Variants in ZNF354C observed in about 807,000 individuals in gnomAD.
The protein encoded by ZNF354C is zinc finger protein 354C, also known as KRAB-zinc finger protein synten.
Under a neutral mutation model 12.4 loss-of-function variants are expected in ZNF354C, and 7 were observed. That is an observed-to-expected ratio of 0.56 (90% CI 0.32 to 1.06). The LOEUF is 1.06. ZNF354C is among the 50% of genes least tolerant of loss of function. ZNF354C has a pLI of 0.04. For synonymous variants in ZNF354C, 202 were observed against 224.5 expected (o/e 0.90, Z 0.90); for missense variants, 609 against 658.0 (o/e 0.93, Z 0.81).
Position 179,076,432 on chromosome 5 carries a change from T to C in ZNF354C, c.28-13T>C. 6.2e-7 allele frequency: 1 copy of C among 1,614,156 alleles called. No individual in the cohort carries two copies. On this transcript the variant is annotated splice_polypyrimidine_tract_variant and intron_variant, in intron 2 of 4. Coordinates refer to ENST00000315475, the MANE Select transcript of ZNF354C (RefSeq NM_014594.3). ...ATGGTCCTGGGTGAGCAGGTATGGGTTTGCCATTACAGGAGCCTGTGACAT... is the reference window on the plus strand; with the variant it reads ...ATGGTCCTGGGTGAGCAGGTATGGGCTTGCCATTACAGGAGCCTGTGACAT...
chr5:179,079,571 G>C lies in ZNF354C; in HGVS notation c.1139G>C (p.Gly380Ala). 6.2e-7 allele frequency: 1 copy of C among 1,614,142 alleles called. No homozygotes were observed. Among genetic ancestry groups the C allele is most frequent in the African/African-American group, 1.3e-5 (1 of 75,060 alleles). Residue 380 changes from glycine to alanine, a missense_variant, in exon 5 of 5, where the codon GGA becomes GCA. Coordinates refer to ENST00000315475, the MANE Select transcript of ZNF354C (RefSeq NM_014594.3). This position sits in a 1 kb window ranked among gnomAD's most constrained non-coding sequence, Gnocchi z 4.2. Reference protein sequence around the residue: ...SLAEHQRFHTGEQLYTCLECG... With the variant: ...SLAEHQRFHTAEQLYTCLECG... Reference sequence around the variant, plus strand: ...GCTGAACATCAGAGGTTTCATACTGGAGAACAACTGTATACATGCTTGGAA... The same window carrying C: ...GCTGAACATCAGAGGTTTCATACTGCAGAACAACTGTATACATGCTTGGAA...
intron 2 of ZNF354C, among the ~76,000 whole-genome samples, chr5:179,070,804 C>T (rs1197634579): frequency 1.4e-5 from 2 of 147,900 alleles, no homozygotes; most frequent in African/African-American, 5.0e-5. Context: ...GCAGCACTCT[C>T]TCATCCATTT....
chr5:179,076,117 G>A lies in ZNF354C; in HGVS notation c.28-328G>A, dbSNP rs192764233. ...CTTGTGGCCCTCTCATCCATCTTCC[G>A]AGCCTAGCACTCCAGTCTCTGCTTC... On this transcript the variant is annotated intron_variant, in intron 2 of 4. Transcript: ENST00000315475. 3.0e-4 allele frequency among the ~76,000 whole-genome samples: 46 copies of A among 152,130 alleles called. No individual in the cohort carries two copies. In the East Asian group the frequency reaches 6.2e-3, roughly 20 times the overall value.
rs770622247 is a variant in ZNF354C at position 179,079,372 on chromosome 5, A to G, written c.940A>G (p.Thr314Ala). Residue 314 changes from threonine to alanine, a missense_variant, in exon 5 of 5, where the codon ACC becomes GCC. Thr to Ala is a moderately conservative substitution (Grantham distance 58). Transcript: ENST00000315475. The surrounding 1 kb of genome is among the most constrained non-coding windows in gnomAD (Gnocchi z 4.2). ...ECGKAFSQCS[T>A]LTVHQRIHTG... Reference sequence around the variant, plus strand: ...TGGTAAAGCCTTTAGCCAGTGTTCAACCCTCACTGTACATCAGAGAATTCA... The same window carrying G: ...TGGTAAAGCCTTTAGCCAGTGTTCAGCCCTCACTGTACATCAGAGAATTCA... The G allele has an allele frequency of 6.2e-7, 1 of 1,613,862 alleles. No individual in the cohort carries two copies. Among genetic ancestry groups the G allele is most frequent in the Non-Finnish European group, 8.5e-7 (1 of 1,179,974 alleles).
At chr5:179,067,271 A>G (rs1761969819) in intron 2 of ZNF354C, among the ~76,000 whole-genome samples, 2 of 152,324 alleles carry the variant, frequency 1.3e-5, no homozygotes, top group Middle Eastern at 3.4e-3. Flanking sequence ...AGATAGGGCT[A>G]TTGGATGGAG....
chr5:179,079,868 A>T lies in ZNF354C; in HGVS notation c.1436A>T (p.Gln479Leu). ...AATCAGTGTGGAAAGGCCTTCAGCC[A>T]GTATTCATTTTTAACCGAACATGAG... ...QCNQCGKAFS[Q>L]YSFLTEHERI... Residue 479 changes from glutamine (Q) to leucine (L), a missense_variant, in exon 5 of 5, where the codon CAG (glutamine) becomes CTG (leucine). Gln to Leu is a moderately radical substitution (Grantham distance 113). Coordinates refer to ENST00000315475, the MANE Select transcript of ZNF354C (RefSeq NM_014594.3). The surrounding 1 kb of genome is among the most constrained non-coding windows in gnomAD (Gnocchi z 4.2). The T allele has an allele frequency of 6.2e-7, 1 of 1,613,976 alleles. No individual in the cohort carries two copies. Among genetic ancestry groups the T allele is most frequent in the Non-Finnish European group, 8.5e-7 (1 of 1,179,960 alleles).
Position 179,082,767 on chromosome 5 carries a change from G to T in ZNF354C, c.*2670G>T. ...TGGCTGACGAAGAGCCATTAGGCGAGGATCACTGGCATCATCCAGGGTGAT... is the reference window on the plus strand; with the variant it reads ...TGGCTGACGAAGAGCCATTAGGCGATGATCACTGGCATCATCCAGGGTGAT... On this transcript the variant is annotated 3_prime_UTR_variant, in exon 5 of 5. Coordinates refer to ENST00000315475, the MANE Select transcript of ZNF354C (RefSeq NM_014594.3). 2.2e-6 allele frequency: 3 copies of T among 1,366,320 alleles called. No homozygotes were observed. The highest frequency in any genetic ancestry group is 3.1e-6 in the Non-Finnish European group (3 of 955,708). The allele number at this position is 1,366,320 out of a possible 1,614,324, so 84.6% of individuals were successfully genotyped here. A position where few individuals can be genotyped will look rare whatever the true frequency, so the allele number is the denominator to read the frequency against.
intron 2 of ZNF354C, among the ~76,000 whole-genome samples, chr5:179,063,540 C>T (rs1426278656): frequency 3.3e-5 from 5 of 152,150 alleles, no homozygotes; most frequent in African/African-American, 7.2e-5. Context: ...AGCCTGGGCA[C>T]GAGAGTGAGA....
intron 4 of ZNF354C, 56 bp from the exon 5 acceptor site, chr5:179,078,627 T>C: frequency 7.1e-7 from 1 of 1,409,166 alleles, no homozygotes; most frequent in Non-Finnish European, 9.7e-7. Context: ...GTCTCACCGA[T>C]ACATCAGTTT....
chr5:179,076,349 C>A (rs529842780), intron 2 of ZNF354C, 96 bp from the exon 3 acceptor site: 1 of 1,554,914 alleles, frequency 6.4e-7, no homozygotes, highest in South Asian at 1.2e-5. Context: ...TTATTAGAAT[C>A]CTGAGATTTT....
chr5:179,077,234 T>C, intron 4 of ZNF354C, 68 bp downstream of exon 4: 1 of 1,310,392 alleles, frequency 7.6e-7, no homozygotes. Context: ...AAGAGGCAGT[T>C]CTTGGGAAAC....
intron 2 of ZNF354C, among the ~76,000 whole-genome samples, chr5:179,063,686 T>G (rs1479470473): frequency 6.6e-6 from 1 of 152,248 alleles, no homozygotes; most frequent in African/African-American, 2.4e-5. Context: ...AGAGGACTGT[T>G]AATATCTGGA....
chr5:179,064,432 T>C (rs1446868309), intron 2 of ZNF354C, among the ~76,000 whole-genome samples: 2 of 151,726 alleles, frequency 1.3e-5, no homozygotes, highest in African/African-American at 4.8e-5. Context: ...CCCTTTTTTT[T>C]TGGAGACAGA....
intron 2 of ZNF354C, among the ~76,000 whole-genome samples, chr5:179,071,288 A>G (rs1469554305): frequency 2.0e-5 from 3 of 151,746 alleles, no homozygotes; most frequent in Non-Finnish European, 2.9e-5. Flanking sequence ...GAGATGATTG[A>G]TAAGATGTGT....
At chr5:179,070,534 C>T (rs1762034103) in intron 2 of ZNF354C, among the ~76,000 whole-genome samples, 1 of 152,140 alleles carries the variant, frequency 6.6e-6, no homozygotes, top group African/African-American at 2.4e-5. Context: ...ATGTTGCTGC[C>T]CTAGTTTCTG....
chr5:179,075,273 A>T (rs1008796721), intron 2 of ZNF354C, among the ~76,000 whole-genome samples: 9 of 150,796 alleles, frequency 6.0e-5, no homozygotes, highest in Non-Finnish European at 8.9e-5. Context: ...AAAGAAAAAA[A>T]AAAAATAAGC....
At chr5:179,075,718 T>C (rs979989060) in intron 2 of ZNF354C, among the ~76,000 whole-genome samples, 2 of 152,220 alleles carry the variant, frequency 1.3e-5, no homozygotes, top group African/African-American at 4.8e-5. Context: ...CTTTTTCATA[T>C]GAATCAATAA....
chr5:179,075,119 T>C (rs908144067), intron 2 of ZNF354C, among the ~76,000 whole-genome samples: 7 of 151,436 alleles, frequency 4.6e-5, no homozygotes, highest in Admixed American at 2.0e-4. Flanking sequence ...ATTAGCCGGG[T>C]GTGGTGGTGG....
At chr5:179,062,648 T>G (rs768684234) in intron 2 of ZNF354C, among the ~76,000 whole-genome samples, 2 of 152,128 alleles carry the variant, frequency 1.3e-5, no homozygotes, top group Non-Finnish European at 2.9e-5. Context: ...GGACTGATAT[T>G]GGTGCTTAGA....
Sources: allele counts gnomAD v4.1 joint callset (sites outside exome capture counted in the v4.1 genomes callset), GRCh38; gene constraint gnomAD v4.1.1; non-coding constraint Gnocchi (gnomAD v3.1); transcripts MANE v1.5; gene names NCBI Gene and HGNC (gene_info 2026-07-23, HGNC 2026-07-21).